The following GRM3 variants were observed in gnomAD, a reference collection of about 807,000 sequenced individuals.
The protein encoded by GRM3 is glutamate metabotropic receptor 3.
A neutral mutation model predicts 70.5 loss-of-function variants in GRM3; 26 were observed. The ratio of observed to expected loss-of-function variants is 0.37; its 90% CI spans 0.27 to 0.51. The LOEUF (loss-of-function observed/expected upper bound fraction) is 0.51. Ranked by LOEUF, GRM3 falls within the 20% of genes least tolerant of loss-of-function variation. GRM3 has a pLI of 0.93. For synonymous variants in GRM3, 443 were observed against 434.9 expected, an observed-to-expected ratio of 1.02 and a Z score of -0.23; for missense variants, 859 against 1,123.8, an observed-to-expected ratio of 0.76 and a Z score of 3.37.
At chr7:86,845,077 A>G (rs973589055) in intron 4 of GRM3, among the ~76,000 whole-genome samples, 2 of 151,996 alleles carry the variant, frequency 1.3e-5, no homozygotes, top group East Asian at 3.9e-4. Flanking sequence ...TTTAGTAGAG[A>G]CAAGGTTTCA....
At chr7:86,796,913 T>A (rs1314400692) in intron 3 of GRM3, among the ~76,000 whole-genome samples, 1 of 152,176 alleles carries the variant, frequency 6.6e-6, no homozygotes, top group Admixed American at 6.5e-5. Context: ...TCTCATGAGA[T>A]CTGAAGGTTT....
chr7:86,792,630 T>C (rs748960694), intron 3 of GRM3, among the ~76,000 whole-genome samples: 3 of 152,196 alleles, frequency 2.0e-5, no homozygotes, highest in Non-Finnish European at 4.4e-5. Flanking sequence ...CAGATACGTT[T>C]AGATGTCATG....
intron 2 of GRM3, among the ~76,000 whole-genome samples, chr7:86,782,460 T>G (rs922966015): frequency 1.3e-5 from 2 of 152,190 alleles, no homozygotes; most frequent in African/African-American, 4.8e-5. Flanking sequence ...AGCAGCATCT[T>G]TCTTTTATTC....
rs1273541401 is a variant in GRM3 at position 86,839,765 on chromosome 7, T to A, written c.2251T>A (p.Cys751Ser). The change falls in exon 4 of 6, where the codon TGC (cysteine) becomes AGC (serine). Residue 751 changes from cysteine (C) to serine (S), a missense_variant. Physicochemically the swap from Cys to Ser is moderately radical, Grantham distance 112 (BLOSUM62 -1). Coordinates refer to ENST00000361669, the MANE Select transcript of GRM3 (RefSeq NM_000840.3). The surrounding 1 kb of genome is among the most constrained non-coding windows in gnomAD (Gnocchi z 4.5). ...LTYDVILVIL[C>S]TVYAFKTRKC... ...CTACGATGTGATCCTGGTGATCTTA[T>A]GCACTGTGTACGCCTTCAAAACGCG... 1 of 1,614,006 alleles carries A rather than the reference T, an allele frequency of 6.2e-7. No homozygotes were observed. Among genetic ancestry groups the A allele is most frequent in the Non-Finnish European group, 8.5e-7 (1 of 1,179,954 alleles).
intron 1 of GRM3, among the ~76,000 whole-genome samples, chr7:86,687,942 GAATA>G (rs1311841417): frequency 6.6e-6 from 1 of 151,726 alleles, no homozygotes; most frequent in East Asian, 1.9e-4. Context: ...ATAATGTAAT[GAATA>G]AATAGGAAGC....
chr7:86,755,269 T>C (rs1359080684), intron 1 of GRM3, among the ~76,000 whole-genome samples: 5 of 152,144 alleles, frequency 3.3e-5, no homozygotes, highest in Non-Finnish European at 7.4e-5. Context: ...TTTAGCTGAT[T>C]GGGATTTTGC....
At chr7:86,701,826 T>C (rs967176352) in intron 1 of GRM3, among the ~76,000 whole-genome samples, 10 of 151,968 alleles carry the variant, frequency 6.6e-5, no homozygotes, top group African/African-American at 2.4e-4. Flanking sequence ...GTATCATTCA[T>C]TTTATGTAAA....
chr7:86,722,872 G>C (rs1433127019), intron 1 of GRM3, among the ~76,000 whole-genome samples: 2 of 152,002 alleles, frequency 1.3e-5, no homozygotes, highest in East Asian at 3.9e-4. Context: ...GCAGCCTTTG[G>C]TAGTCTTAAC....
intron 3 of GRM3, among the ~76,000 whole-genome samples, chr7:86,821,693 G>C (rs569488702): frequency 6.6e-6 from 1 of 152,070 alleles, no homozygotes; most frequent in South Asian, 2.1e-4. Context: ...ACGATTCCTC[G>C]AAGGTGAATC....
Position 86,644,534 on chromosome 7 carries a change from T to A in GRM3, c.-479T>A. The A allele has an allele frequency of 2.7e-6, 1 of 372,100 alleles. No individual in the cohort carries two copies. The highest frequency in any genetic ancestry group is 3.3e-5 in the Admixed American group (1 of 30,534). 23.0% of individuals were successfully genotyped at this position (372,100 alleles called of 1,614,324 possible). ...CTCCGCGGAAGACCACTGGGTCCCC[T>A]CTTTCCCCAACCTCCTCCCTCTCTT... On this transcript the variant is annotated 5_prime_UTR_variant, in exon 1 of 6. Transcript: ENST00000361669.
At chr7:86,719,517 T>C (rs974395596) in intron 1 of GRM3, among the ~76,000 whole-genome samples, 13 of 152,044 alleles carry the variant, frequency 8.6e-5, no homozygotes, top group African/African-American at 2.7e-4. Context: ...TTATACAAAA[T>C]GTAATAGAAC....
intron 4 of GRM3, among the ~76,000 whole-genome samples, chr7:86,846,249 C>T (rs1048187347): frequency 1.3e-5 from 2 of 152,150 alleles, no homozygotes; most frequent in South Asian, 4.1e-4. Context: ...ACTCTGAATC[C>T]TTTGACTGTC....
intron 1 of GRM3, among the ~76,000 whole-genome samples, chr7:86,690,909 G>A (rs11983636): frequency 0.034 from 5,111 of 152,164 alleles, 284 homozygotes; most frequent in African/African-American, 0.12. Context: ...TATTTGTTAT[G>A]TTTAAGATTT....
chr7:86,685,419 G>A (rs1488613941), intron 1 of GRM3, among the ~76,000 whole-genome samples: 1 of 152,122 alleles, frequency 6.6e-6, no homozygotes, highest in Non-Finnish European at 1.5e-5. Flanking sequence ...GCAAGCCCTG[G>A]TGTTCTTAGT....
intron 1 of GRM3, among the ~76,000 whole-genome samples, chr7:86,691,742 C>G (rs1275221154): frequency 6.6e-6 from 1 of 152,186 alleles, no homozygotes; most frequent in African/African-American, 2.4e-5. Flanking sequence ...CCTTTTGCCT[C>G]TCTTGCCCTC....
At chr7:86,716,718 T>A (rs968262319) in intron 1 of GRM3, among the ~76,000 whole-genome samples, 1 of 151,788 alleles carries the variant, frequency 6.6e-6, no homozygotes, top group Non-Finnish European at 1.5e-5. Flanking sequence ...TTATTCTTTA[T>A]AAATTACAGA....
intron 3 of GRM3, among the ~76,000 whole-genome samples, chr7:86,807,804 G>A (rs1245787846): frequency 1.3e-5 from 2 of 152,152 alleles, no homozygotes; most frequent in Admixed American, 6.5e-5. Flanking sequence ...TGGTGAGAGA[G>A]GGCATCCCTG....
intron 1 of GRM3, among the ~76,000 whole-genome samples, chr7:86,665,849 G>A (rs1031913551): frequency 1.2e-4 from 18 of 151,970 alleles, no homozygotes; most frequent in African/African-American, 3.6e-4. Flanking sequence ...TGAAACTAAA[G>A]CATATTTTTA....
intron 1 of GRM3, among the ~76,000 whole-genome samples, chr7:86,690,742 GATATATT>G (rs1463810026): frequency 3.3e-5 from 5 of 152,012 alleles, no homozygotes; most frequent in Non-Finnish European, 7.4e-5. Context: ...TCTTGTTTTG[GATATATT>G]ATACTTAAAA....
Sources: gnomAD v4.1 joint callset for allele counts (sites outside exome capture counted in the v4.1 genomes callset) on GRCh38, gnomAD v4.1.1 for gene constraint, Gnocchi (gnomAD v3.1) non-coding constraint, MANE v1.5 for transcripts, NCBI Gene and HGNC (gene_info 2026-07-23, HGNC 2026-07-21) for gene names.